Variants in CSPP1 observed in about 807,000 individuals in gnomAD.
CSPP1 encodes centrosome and spindle pole associated protein 1.
In CSPP1, 126 loss-of-function variants were observed where a neutral mutation model predicts 164.4. That is an observed-to-expected ratio of 0.77 (90% CI 0.66 to 0.89). CSPP1 has a LOEUF of 0.89. Ranked by LOEUF, CSPP1 falls within the 40% of genes least tolerant of loss-of-function variation. The pLI is 0.00. For missense variants in CSPP1, 1,395 were observed against 1,449.8 expected, an observed-to-expected ratio of 0.96 and a Z score of 0.61; for synonymous variants, 472 against 476.7, an observed-to-expected ratio of 0.99 and a Z score of 0.13.
rs755146137 is a variant in CSPP1 at position 67,137,541 on chromosome 8, A to G, written c.1913A>G (p.Tyr638Cys). 6.3e-7 allele frequency: 1 copy of G among 1,597,488 alleles called. No homozygotes were observed. The highest frequency in any genetic ancestry group is 8.5e-7 in the Non-Finnish European group (1 of 1,171,530). ...EAKLEAEMRT[Y>C]NPWGKGGGGA... ...AAATTAGAAGCTGAAATGAGAACAT[A>G]TAATCCCTGGGGAAAAGGTGGAGGT... The change falls in exon 17 of 31, where the codon TAT becomes TGT. Residue 638 changes from tyrosine to cysteine, a missense_variant. Tyr to Cys is a radical substitution (Grantham distance 194, BLOSUM62 -2). Transcript: ENST00000678616.
intron 28 of CSPP1, among the ~76,000 whole-genome samples, chr8:67,180,921 T>TA (rs1586798907): frequency 6.6e-6 from 1 of 152,284 alleles, no homozygotes; most frequent in East Asian, 1.9e-4. Context: ...TCTGCTATCC[T>TA]AGGGCCATCA....
chr8:67,086,318 T>C, intron 4 of CSPP1: 1 of 604,310 alleles, frequency 1.7e-6, no homozygotes. Context: ...ATACAGACTT[T>C]TGACCTTTTG....
intron 28 of CSPP1, among the ~76,000 whole-genome samples, chr8:67,189,483 A>G (rs763027623): frequency 4.6e-5 from 7 of 152,228 alleles, no homozygotes; most frequent in Non-Finnish European, 7.3e-5. Flanking sequence ...CCCAAAACTT[A>G]TTTTAGAATT....
At chr8:67,139,641 C>T (rs1220990296) in intron 17 of CSPP1, among the ~76,000 whole-genome samples, 1 of 152,200 alleles carries the variant, frequency 6.6e-6, no homozygotes, top group East Asian at 1.9e-4. Context: ...GGCACATATA[C>T]ACCATGGAAT....
At chr8:67,137,131 G>A (rs1176242879) in intron 16 of CSPP1, among the ~76,000 whole-genome samples, 5 of 151,800 alleles carry the variant, frequency 3.3e-5, no homozygotes, top group African/African-American at 9.7e-5. Context: ...ACACATGTGC[G>A]CAACCACACC....
At chr8:67,171,390 A>T (rs1830437552) in intron 24 of CSPP1, among the ~76,000 whole-genome samples, 1 of 150,808 alleles carries the variant, frequency 6.6e-6, no homozygotes, top group African/African-American at 2.4e-5. Flanking sequence ...AGAGAGCGAG[A>T]CTCCACCTCA....
intron 19 of CSPP1, among the ~76,000 whole-genome samples, chr8:67,156,662 A>G (rs1826726644): frequency 6.6e-6 from 1 of 152,220 alleles, no homozygotes; most frequent in South Asian, 2.1e-4. Context: ...AAAAAATATT[A>G]TGAAATGTTC....
At position 67,163,771 on chromosome 8, in the gene CSPP1, G is replaced by C; in HGVS notation, c.2683G>C (p.Ala895Pro). 6.2e-7 allele frequency: 1 copy of C among 1,613,592 alleles called. No individual in the cohort carries two copies. The highest frequency in any genetic ancestry group is 8.5e-7 in the Non-Finnish European group (1 of 1,179,726). Residue 895 changes from alanine to proline, a missense_variant, in exon 23 of 31, where the codon GCC becomes CCC. Ala to Pro is a conservative substitution (Grantham distance 27, BLOSUM62 -1). Coordinates refer to ENST00000678616, the MANE Select transcript of CSPP1 (RefSeq NM_001382391.1). ...MSRAQSPPVP[A>P]RKNQLRAEEE... ...CAGGGCACAGTCACCCCCGGTACCT[G>C]CCAGGAAAAATCAGCTCCGTGCAGA...
At chr8:67,103,516 C>T (rs965594939) in intron 8 of CSPP1, among the ~76,000 whole-genome samples, 8 of 151,680 alleles carry the variant, frequency 5.3e-5, no homozygotes, top group East Asian at 1.9e-4. Context: ...AAAATGTGGC[C>T]GGGCCTGGTG....
At chr8:67,141,679 G>A (rs757005108) in intron 17 of CSPP1, among the ~76,000 whole-genome samples, 8 of 152,064 alleles carry the variant, frequency 5.3e-5, no homozygotes, top group South Asian at 4.1e-4. Flanking sequence ...GTGCCACCAC[G>A]CCCCCCTAAT....
At chr8:67,126,681 A>G (rs767127827) in intron 15 of CSPP1, among the ~76,000 whole-genome samples, 5 of 152,162 alleles carry the variant, frequency 3.3e-5, no homozygotes, top group Non-Finnish European at 7.3e-5. Context: ...GGGCATCCAT[A>G]TAATTGCACA....
chr8:67,131,260 A>G (rs1350572646), intron 15 of CSPP1, among the ~76,000 whole-genome samples: 6 of 151,954 alleles, frequency 3.9e-5, no homozygotes, highest in Admixed American at 2.0e-4. Context: ...GGTGATGTGC[A>G]CCTATACCCC....
rs1463621733 is a variant in CSPP1, at chr8:67,118,313, A to G, written c.1562A>G (p.Asp521Gly). The G allele has an allele frequency of 6.2e-7, 1 of 1,613,364 alleles. No individual in the cohort carries two copies. Among genetic ancestry groups the G allele is most frequent in the African/African-American group, 1.3e-5 (1 of 74,870 alleles). Residue 521 changes from aspartate to glycine, a missense_variant, in exon 14 of 31, where the codon GAT becomes GGT. Asp to Gly is a moderately conservative substitution (Grantham distance 94). Coordinates refer to ENST00000678616, the MANE Select transcript of CSPP1 (RefSeq NM_001382391.1). ...PLATNYRTPY[D>G]DAYYFYGSRN... ...GCTACTAACTATCGAACTCCTTATGATGATGCATACTATTTTTATGGGTCC... is the reference window on the plus strand; with the variant it reads ...GCTACTAACTATCGAACTCCTTATGGTGATGCATACTATTTTTATGGGTCC...
intron 4 of CSPP1, among the ~76,000 whole-genome samples, chr8:67,090,949 C>G (rs1811484275): frequency 6.6e-6 from 1 of 152,002 alleles, no homozygotes; most frequent in Admixed American, 6.6e-5. Context: ...GTAAATTATT[C>G]CAAAGTATTT....
intron 28 of CSPP1, among the ~76,000 whole-genome samples, chr8:67,184,744 T>TATAATAATAATAATAATAATA (rs377423199): frequency 0.017 from 2,407 of 142,488 alleles, 76 homozygotes; most frequent in African/African-American, 0.058. Flanking sequence ...AATAAAAAAA[T>TATAATAATAATAATAATAATA]ATAATAATAA....
intron 13 of CSPP1, among the ~76,000 whole-genome samples, chr8:67,117,265 G>A (rs1818124603): frequency 6.6e-6 from 1 of 152,134 alleles, no homozygotes. Context: ...GATGGTATAA[G>A]GTTTAGACAC....
chr8:67,090,695 C>A (rs1811435882), intron 4 of CSPP1, among the ~76,000 whole-genome samples: 1 of 152,208 alleles, frequency 6.6e-6, no homozygotes, highest in African/African-American at 2.4e-5. Flanking sequence ...TATTTGCTTA[C>A]ATGTCTGTTT....
At chr8:67,149,517 T>C (rs978019875) in intron 17 of CSPP1, among the ~76,000 whole-genome samples, 2 of 152,244 alleles carry the variant, frequency 1.3e-5, no homozygotes, top group African/African-American at 4.8e-5. Context: ...ACATAGATAC[T>C]GTTAATATGG....
intron 3 of CSPP1, among the ~76,000 whole-genome samples, chr8:67,082,677 C>T (rs1235520081): frequency 1.3e-5 from 2 of 152,042 alleles, no homozygotes; most frequent in South Asian, 2.1e-4. Flanking sequence ...GATGAATGCT[C>T]TGTTAGAAGG....
Sources: gnomAD v4.1 joint callset for allele counts (sites outside exome capture counted in the v4.1 genomes callset) on GRCh38, gnomAD v4.1.1 for gene constraint, MANE v1.5 for transcripts, NCBI Gene and HGNC (gene_info 2026-07-23, HGNC 2026-07-21) for gene names.